Variants in UNC5B observed in about 807,000 individuals in gnomAD.
UNC5B encodes netrin receptor UNC5B.
In UNC5B, 56 loss-of-function variants were observed where a neutral mutation model predicts 103.7. The ratio of observed to expected loss-of-function variants is 0.54; its 90% CI spans 0.44 to 0.67. The LOEUF (loss-of-function observed/expected upper bound fraction) is 0.67, where lower values mean the gene tolerates loss of function less well. UNC5B is among the 30% of genes least tolerant of loss of function. UNC5B has a pLI of 0.00. For missense variants in UNC5B, 1,194 were observed against 1,284.5 expected (o/e 0.93, Z 1.08); for synonymous variants, 577 against 542.0 (o/e 1.06, Z -0.90).
chr10:71,265,771 C>T (rs1012589478), intron 1 of UNC5B, among the ~76,000 whole-genome samples: 8 of 152,286 alleles, frequency 5.3e-5, no homozygotes, highest in South Asian at 2.1e-4. Flanking sequence ...GCTTCCACTG[C>T]TTGGTAAGGG....
At position 71,212,899 on chromosome 10, in the gene UNC5B, A is replaced by C. The variant is rs1843255686; in HGVS notation, c.-87A>C. 1 of 1,085,256 alleles carries C rather than the reference A, an allele frequency of 9.2e-7. No individual in the cohort carries two copies. Among genetic ancestry groups the C allele is most frequent in the Non-Finnish European group, 1.2e-6 (1 of 853,446 alleles). The allele number at this position is 1,085,256 out of a possible 1,614,324, so 67.2% of individuals were successfully genotyped here. A position where few individuals can be genotyped will look rare whatever the true frequency, so the allele number is the denominator to read the frequency against. ...GGCGCCGGGGAGGACGGCGAGGAGG[A>C]GGCGGCGGCGGCGGAGACGGCGGCG... On this transcript the variant is annotated 5_prime_UTR_variant, in exon 1 of 17. Transcript: ENST00000335350.
chr10:71,249,779 AGGTTAGGGCAT>A (rs1176722582), intron 1 of UNC5B, among the ~76,000 whole-genome samples: 13 of 152,134 alleles, frequency 8.5e-5, no homozygotes, highest in Non-Finnish European at 1.5e-4. Flanking sequence ...AGGCTGCAGG[AGGTTAGGGCAT>A]GGAACAGATA....
In UNC5B at chr10:71,291,799, G is replaced by A. The variant is rs1409852969; in HGVS notation, c.1662G>A (p.Gly554=). The change falls in exon 10 of 17, where the codon GGG becomes GGA. Residue 554 remains glycine, a synonymous_variant. Coordinates refer to ENST00000335350, the MANE Select transcript of UNC5B (RefSeq NM_170744.5). Reference sequence around the variant, plus strand: ...GCGGCACCTTTGGCTGCCTGGGTGGGAGGCTCAGCATCCCCGGCACAGGTG... The same window carrying A: ...GCGGCACCTTTGGCTGCCTGGGTGGAAGGCTCAGCATCCCCGGCACAGGTG... ...SVSGTFGCLG[G]RLSIPGTGVS... 6.2e-7 allele frequency: 1 copy of A among 1,602,076 alleles called. No individual in the cohort carries two copies. The highest frequency in any genetic ancestry group is 1.1e-5 in the South Asian group (1 of 90,630).
At chr10:71,276,766 C>T (rs541004013) in intron 1 of UNC5B, among the ~76,000 whole-genome samples, 1 of 152,362 alleles carries the variant, frequency 6.6e-6, no homozygotes, top group South Asian at 2.1e-4. Context: ...TCACTGTGCA[C>T]CTGCTGTGTG....
Position 71,295,732 on chromosome 10 carries a change from C to T in UNC5B, c.2176-79C>T, listed in dbSNP as rs1845390176. ...CATGCACTCAGATGGGCCCCTGCCCCCTGCCCCGCACAGTGCCACAGAAGA... is the reference window on the plus strand; with the variant it reads ...CATGCACTCAGATGGGCCCCTGCCCTCTGCCCCGCACAGTGCCACAGAAGA... On this transcript the variant is annotated intron_variant, in intron 13 of 16. Coordinates refer to ENST00000335350, the MANE Select transcript of UNC5B (RefSeq NM_170744.5). 5 of 1,538,022 alleles carry T rather than the reference C, an allele frequency of 3.3e-6. No homozygotes were observed. The South Asian group carries it at 6.0e-5, about 18-fold the overall frequency.
chr10:71,243,195 A>C (rs1843947604), intron 1 of UNC5B, among the ~76,000 whole-genome samples: 1 of 152,134 alleles, frequency 6.6e-6, no homozygotes, highest in Non-Finnish European at 1.5e-5. Context: ...AGATCTCATC[A>C]CGGCACTCCA....
At chr10:71,288,425 G>T in intron 6 of UNC5B, 143 bp from the exon 7 acceptor site, 4 of 1,241,382 alleles carry the variant, frequency 3.2e-6, no homozygotes, top group Middle Eastern at 2.9e-4. Context: ...TCTCTGTGTG[G>T]CACACATGTG....
At chr10:71,288,759 G>A in intron 7 of UNC5B, 27 bp downstream of exon 7, 1 of 1,584,394 alleles carries the variant, frequency 6.3e-7, no homozygotes, top group South Asian at 1.1e-5. Context: ...GTGGGGCCCT[G>A]GGGGTGGGGA....
At chr10:71,274,253 CAG>C (rs1197432947) in intron 1 of UNC5B, among the ~76,000 whole-genome samples, 5 of 151,998 alleles carry the variant, frequency 3.3e-5, no homozygotes, top group African/African-American at 7.2e-5. Context: ...CCCAGCTACT[CAG>C]GGGGCTGAGG....
intron 1 of UNC5B, among the ~76,000 whole-genome samples, chr10:71,247,053 GC>G (rs1165719426): frequency 6.6e-6 from 1 of 152,186 alleles, no homozygotes; most frequent in Non-Finnish European, 1.5e-5. Context: ...TCCAGCCTTT[GC>G]CCAGATTCCA....
At chr10:71,262,720 C>T (rs1435978118) in intron 1 of UNC5B, among the ~76,000 whole-genome samples, 2 of 152,142 alleles carry the variant, frequency 1.3e-5, no homozygotes, top group Non-Finnish European at 2.9e-5. Context: ...CCATCATGAG[C>T]CTTGATTACC....
intron 1 of UNC5B, among the ~76,000 whole-genome samples, chr10:71,214,341 C>CTT (rs769157975): frequency 5.5e-5 from 8 of 145,758 alleles, no homozygotes; most frequent in Admixed American, 1.4e-4. Flanking sequence ...ACATTCCCCA[C>CTT]TTTTTTTTTT....
chr10:71,290,777 T>G, intron 8 of UNC5B, 138 bp from the exon 9 acceptor site: 4 of 1,056,162 alleles, frequency 3.8e-6, no homozygotes, highest in Non-Finnish European at 5.3e-6. Flanking sequence ...TGCCAGCCTG[T>G]GTAGGCAGGG....
At chr10:71,265,967 A>G (rs1293174210) in intron 1 of UNC5B, among the ~76,000 whole-genome samples, 1 of 152,126 alleles carries the variant, frequency 6.6e-6, no homozygotes, top group East Asian at 1.9e-4. Flanking sequence ...CTACAGAGAA[A>G]CAAACCGAGG....
At chr10:71,293,261 C>G in intron 11 of UNC5B, 144 bp from the exon 12 acceptor site, 1 of 901,830 alleles carries the variant, frequency 1.1e-6, no homozygotes, top group South Asian at 2.3e-5. Flanking sequence ...CCTTTGCCCC[C>G]ATGACCTCTG....
chr10:71,220,336 A>G (rs1345334829), intron 1 of UNC5B, among the ~76,000 whole-genome samples: 1 of 152,178 alleles, frequency 6.6e-6, no homozygotes, highest in Non-Finnish European at 1.5e-5. Context: ...CCACCAGAGA[A>G]CACAAAGTGG....
intron 1 of UNC5B, among the ~76,000 whole-genome samples, chr10:71,270,493 G>A (rs900677147): frequency 6.6e-6 from 1 of 152,162 alleles, no homozygotes; most frequent in African/African-American, 2.4e-5. Flanking sequence ...CCACTAGAGG[G>A]CAGGGTTTCT....
At chr10:71,237,172 G>C (rs770426060) in intron 1 of UNC5B, among the ~76,000 whole-genome samples, 1 of 152,196 alleles carries the variant, frequency 6.6e-6, no homozygotes, top group Non-Finnish European at 1.5e-5. Context: ...GGCCCACTCT[G>C]GGGACCAAGT....
chr10:71,224,570 T>C (rs2132241671), intron 1 of UNC5B, among the ~76,000 whole-genome samples: 1 of 152,334 alleles, frequency 6.6e-6, no homozygotes, highest in African/African-American at 2.4e-5. Flanking sequence ...CTGAGCTTCC[T>C]CTGTCCAAAT....
Sources: allele counts gnomAD v4.1 joint callset (sites outside exome capture counted in the v4.1 genomes callset), GRCh38; gene constraint gnomAD v4.1.1; transcripts MANE v1.5; gene names NCBI Gene and HGNC (gene_info 2026-07-23, HGNC 2026-07-21).